CACHD1: variants seen among roughly 807,000 people sequenced by gnomAD.
CACHD1 encodes the protein VWFA and cache domain-containing protein 1.
In CACHD1, 71 loss-of-function variants were observed where a neutral mutation model predicts 138.7. The observed-to-expected ratio is 0.51, with a 90% CI of 0.42 to 0.62. The LOEUF is 0.62. CACHD1 is among the 20% of genes least tolerant of loss of function. The probability of loss-of-function intolerance (pLI) is 0.00; values close to 1 mark genes in which losing one functional copy is unlikely to be tolerated. For missense variants in CACHD1, 1,389 were observed against 1,625.3 expected (o/e 0.85, Z 2.50); for synonymous variants, 578 against 591.5 (o/e 0.98, Z 0.33).
intron 1 of CACHD1, among the ~76,000 whole-genome samples, chr1:64,544,855 C>A (rs1215909528): frequency 6.6e-6 from 1 of 151,942 alleles, no homozygotes; most frequent in Non-Finnish European, 1.5e-5. Context: ...GTAAAGATAC[C>A]CCTTTTCTTG....
chr1:64,644,759 A>T (rs1179127373), intron 8 of CACHD1, among the ~76,000 whole-genome samples: 1 of 152,232 alleles, frequency 6.6e-6, no homozygotes, highest in Non-Finnish European at 1.5e-5. Context: ...AGGGAAACAG[A>T]TTGACTAAGA....
chr1:64,486,369 T>TACACACACACAC (rs3078376), intron 1 of CACHD1, among the ~76,000 whole-genome samples: 3 of 145,028 alleles, frequency 2.1e-5, no homozygotes, highest in East Asian at 4.0e-4. Flanking sequence ...CACACACACA[T>TACACACACACAC]ACACACACAC....
At chr1:64,561,146 T>C (rs1646835818) in intron 2 of CACHD1, among the ~76,000 whole-genome samples, 1 of 151,938 alleles carries the variant, frequency 6.6e-6, no homozygotes, top group Non-Finnish European at 1.5e-5. Flanking sequence ...GTTTAATAAA[T>C]TAATATTTTG....
In CACHD1 at chr1:64,489,746, G is replaced by A. The variant is rs190455341; in HGVS notation, c.198+18804G>A. On this transcript the variant is annotated intron_variant, in intron 1 of 26. Transcript: ENST00000651257. ...TTTTCTTCATGTGAGGATACATAAT[G>A]CTAAGTCTTCAGAATTTTATACTCT... Among the ~76,000 whole-genome samples, 102 of 152,286 alleles carry A rather than the reference G, an allele frequency of 6.7e-4. 1 individual carries two copies. Among genetic ancestry groups the A allele is most frequent in the African/African-American group, 2.2e-3 (90 of 41,544 alleles).
intron 1 of CACHD1, among the ~76,000 whole-genome samples, chr1:64,524,076 G>T (rs1646518803): frequency 6.6e-6 from 1 of 152,006 alleles, no homozygotes; most frequent in Non-Finnish European, 1.5e-5. Context: ...CTTTATTCTT[G>T]GTTCTACTAG....
intron 4 of CACHD1, among the ~76,000 whole-genome samples, chr1:64,617,517 A>G (rs1268470719): frequency 6.6e-6 from 1 of 152,194 alleles, no homozygotes; most frequent in African/African-American, 2.4e-5. Context: ...GGACACAAAG[A>G]GCTATGAGCT....
At chr1:64,531,420 G>A (rs1302610735) in intron 1 of CACHD1, among the ~76,000 whole-genome samples, 2 of 152,128 alleles carry the variant, frequency 1.3e-5, no homozygotes, top group African/African-American at 4.8e-5. Context: ...TAAGTCAAGA[G>A]TTTAATCTGA....
At chr1:64,490,839 C>T (rs1360330717) in intron 1 of CACHD1, among the ~76,000 whole-genome samples, 1 of 152,120 alleles carries the variant, frequency 6.6e-6, no homozygotes, top group East Asian at 1.9e-4. Flanking sequence ...TCAGTTATAA[C>T]CTTTTATTCT....
intron 4 of CACHD1, among the ~76,000 whole-genome samples, chr1:64,612,312 G>A (rs1001606774): frequency 6.6e-6 from 1 of 152,036 alleles, no homozygotes; most frequent in African/African-American, 2.4e-5. Flanking sequence ...TACCATTTTT[G>A]TATGCATTTA....
chr1:64,682,130 G>C lies in CACHD1; in HGVS notation c.3586+24G>C, dbSNP rs1280624768. On this transcript the variant is annotated intron_variant, in intron 26 of 26. Coordinates refer to ENST00000651257, the MANE Select transcript of CACHD1 (RefSeq NM_020925.4). ...TGGTAAGGTCTAGCTTCCTGCATTT[G>C]AAGACCCAAGGAACCTCATGTACTC... is the stretch of plus-strand genomic sequence containing the variant. 3 of 1,601,946 alleles carry C rather than the reference G, an allele frequency of 1.9e-6. No individual in the cohort carries two copies. In the Admixed American group the frequency reaches 5.0e-5, roughly 27 times the overall value.
At chr1:64,647,511 G>A (rs1648948042) in intron 8 of CACHD1, among the ~76,000 whole-genome samples, 1 of 151,968 alleles carries the variant, frequency 6.6e-6, no homozygotes, top group African/African-American at 2.4e-5. Context: ...TTAACTTTTG[G>A]GGAGAACACA....
chr1:64,510,259 A>T (rs1210439811), intron 1 of CACHD1, among the ~76,000 whole-genome samples: 1 of 152,148 alleles, frequency 6.6e-6, no homozygotes, highest in Non-Finnish European at 1.5e-5. Context: ...GAAGTTTTGG[A>T]CATTTATTGC....
At chr1:64,684,676 G>A (rs1312426967) in intron 26 of CACHD1, among the ~76,000 whole-genome samples, 1 of 152,174 alleles carries the variant, frequency 6.6e-6, no homozygotes, top group Non-Finnish European at 1.5e-5. Flanking sequence ...AAAGTCTACA[G>A]TAGTGTACAC....
At chr1:64,497,495 A>G (rs1159938751) in intron 1 of CACHD1, among the ~76,000 whole-genome samples, 1 of 152,092 alleles carries the variant, frequency 6.6e-6, no homozygotes, top group East Asian at 1.9e-4. Flanking sequence ...GAATTAGGAG[A>G]TTTCAAGGCC....
intron 1 of CACHD1, among the ~76,000 whole-genome samples, chr1:64,507,891 A>G (rs1360206291): frequency 6.6e-6 from 1 of 152,198 alleles, no homozygotes; most frequent in Non-Finnish European, 1.5e-5. Context: ...AGAAAAATGA[A>G]TGTGTCTCAT....
chr1:64,494,376 G>T (rs976379769), intron 1 of CACHD1, among the ~76,000 whole-genome samples: 4 of 152,146 alleles, frequency 2.6e-5, no homozygotes, highest in Non-Finnish European at 4.4e-5. Flanking sequence ...TAATTTGAAA[G>T]AAATCTCTGC....
intron 3 of CACHD1, among the ~76,000 whole-genome samples, chr1:64,583,371 G>A (rs1282842618): frequency 6.6e-6 from 1 of 152,174 alleles, no homozygotes; most frequent in Non-Finnish European, 1.5e-5. Context: ...TGTCTGGATA[G>A]GAATTCTACC....
At chr1:64,517,873 T>C (rs141001228) in intron 1 of CACHD1, among the ~76,000 whole-genome samples, 1 of 152,322 alleles carries the variant, frequency 6.6e-6, no homozygotes, top group African/African-American at 2.4e-5. Flanking sequence ...CTGCCCTGCC[T>C]ACTCTATGTC....
intron 1 of CACHD1, among the ~76,000 whole-genome samples, chr1:64,479,454 C>T (rs959026769): frequency 3.3e-5 from 5 of 152,002 alleles, no homozygotes; most frequent in African/African-American, 9.7e-5. Flanking sequence ...CCAGAAGGCT[C>T]CTTTTTGAGG....
Sources: allele counts gnomAD v4.1 joint callset (sites outside exome capture counted in the v4.1 genomes callset), GRCh38; gene constraint gnomAD v4.1.1; transcripts MANE v1.5; gene names NCBI Gene and HGNC (gene_info 2026-07-23, HGNC 2026-07-21).